Variants in OR52I2 observed in about 807,000 individuals in gnomAD.
The protein encoded by OR52I2 is olfactory receptor family 52 subfamily I member 2, also known as olfactory receptor 52I2.
For missense variants in OR52I2, 350 were observed against 402.4 expected (o/e 0.87, Z 1.11); for synonymous variants, 147 against 151.9 (o/e 0.97, Z 0.24).
At chr11:4,585,229 C>T (rs1358478377) in intron 1 of OR52I2, among the ~76,000 whole-genome samples, 1 of 152,112 alleles carries the variant, frequency 6.6e-6, no homozygotes, top group East Asian at 1.9e-4. Flanking sequence ...AACAGTACCA[C>T]ATTTTGAGTG....
At chr11:4,586,416 A>G (rs929414602) in intron 1 of OR52I2, among the ~76,000 whole-genome samples, 11 of 152,242 alleles carry the variant, frequency 7.2e-5, no homozygotes, top group Admixed American at 2.6e-4. Context: ...AAACTTAACC[A>G]TAATAAACAT....
intron 1 of OR52I2, among the ~76,000 whole-genome samples, chr11:4,582,579 A>G (rs549303258): frequency 6.6e-6 from 1 of 151,542 alleles, no homozygotes; most frequent in African/African-American, 2.4e-5. Context: ...AGCTGGGACT[A>G]CAGGTGCTCG....
exon 2 of OR52I2, chr11:4,589,031 ACT>A (rs1846331042): frequency 6.6e-6 from 1 of 151,962 alleles, no homozygotes; most frequent in African/African-American, 2.4e-5. Context: ...TACACTTTAT[ACT>A]CTTAGTCTAA....
chr11:4,586,701 G>A, intron 1 of OR52I2, 171 bp from the exon 2 acceptor site: 1 of 858,654 alleles, frequency 1.2e-6, no homozygotes. Context: ...ATTTGGAAGG[G>A]AAGAATATTA....
rs746607298 is a variant in OR52I2 at position 4,587,641 on chromosome 11, G to T, written c.751G>T (p.Val251Phe). ...AAGCACATGTGGCTCCCATGTGGGGGTTATGGCTTTGTACTATCTACCTGG... is the reference window on the plus strand; with the variant it reads ...AAGCACATGTGGCTCCCATGTGGGGTTTATGGCTTTGTACTATCTACCTGG... Residue 251 changes from valine (V) to phenylalanine (F), a missense_variant, in exon 2 of 2, where the codon GTT (valine) becomes TTT (phenylalanine). By Grantham distance (50) the Val-to-Phe change is conservative. Coordinates refer to ENST00000641896, the Ensembl canonical transcript of OR52I2. 55 of 1,614,138 alleles carry T rather than the reference G, an allele frequency of 3.4e-5. No homozygotes were observed. In the Middle Eastern group the frequency reaches 5.0e-4, roughly 15 times the overall value.
At chr11:4,592,195 A>C (rs1032042617) in exon 2 of OR52I2, 4 of 152,208 alleles carry the variant, frequency 2.6e-5, no homozygotes, top group African/African-American at 9.6e-5. Context: ...ACCAAGCATT[A>C]CACTAAGCAC....
chr11:4,591,557 T>G (rs1227236604), exon 2 of OR52I2: 1 of 152,214 alleles, frequency 6.6e-6, no homozygotes, highest in Non-Finnish European at 1.5e-5. Context: ...AGGAGATCAA[T>G]TGTATTTAAT....
chr11:4,582,516 T>C (rs912558234), intron 1 of OR52I2, among the ~76,000 whole-genome samples: 1 of 137,744 alleles, frequency 7.3e-6, no homozygotes, highest in Non-Finnish European at 1.5e-5. Flanking sequence ...CTTGGCTCAC[T>C]GCAGCCTCCA....
At position 4,587,610 on chromosome 11, in the gene OR52I2, AG is replaced by A; in HGVS notation, c.721del (p.Ala241HisfsTer2). The A allele has an allele frequency of 6.2e-7, 1 of 1,614,090 alleles. No individual in the cohort carries two copies. Among genetic ancestry groups the A allele is most frequent in the Non-Finnish European group, 8.5e-7 (1 of 1,179,964 alleles). On this transcript the variant is annotated frameshift_variant, in exon 2 of 2. Coordinates refer to ENST00000641896, the Ensembl canonical transcript of OR52I2. LOFTEE classifies it low-confidence loss of function (END_TRUNC). ...TCTCCTCAAAGACTGCTCAGTTGAA[AG>A]CATTAAGCACATGTGGCTCCCATGT... is the stretch of plus-strand genomic sequence containing the variant.
intron 1 of OR52I2, among the ~76,000 whole-genome samples, chr11:4,582,737 C>A (rs867765508): frequency 1.3e-5 from 2 of 152,012 alleles, no homozygotes; most frequent in Non-Finnish European, 2.9e-5. Context: ...TCCGGTCGAA[C>A]TTTTTAAAGC....
At chr11:4,583,912 C>G (rs749453061) in intron 1 of OR52I2, among the ~76,000 whole-genome samples, 1 of 152,160 alleles carries the variant, frequency 6.6e-6, no homozygotes. Flanking sequence ...AAATATATGT[C>G]TTTTGGTTAG....
At chr11:4,584,890 G>C (rs144426538) in intron 1 of OR52I2, among the ~76,000 whole-genome samples, 15 of 152,278 alleles carry the variant, frequency 9.9e-5, no homozygotes, top group African/African-American at 3.1e-4. Flanking sequence ...ACCCATTTAA[G>C]GATGCTACTT....
At chr11:4,585,651 G>A (rs904509994) in intron 1 of OR52I2, among the ~76,000 whole-genome samples, 6 of 152,166 alleles carry the variant, frequency 3.9e-5, no homozygotes, top group African/African-American at 1.4e-4. Flanking sequence ...AGCTATCTTT[G>A]TCTCATCAAA....
At chr11:4,585,607 C>G (rs1010710816) in intron 1 of OR52I2, among the ~76,000 whole-genome samples, 1 of 152,112 alleles carries the variant, frequency 6.6e-6, no homozygotes, top group African/African-American at 2.4e-5. Context: ...GATCAACAAG[C>G]GGTAGAGCTC....
chr11:4,586,425 A>T (rs1846301456), intron 1 of OR52I2, among the ~76,000 whole-genome samples: 1 of 152,246 alleles, frequency 6.6e-6, no homozygotes, highest in African/African-American at 2.4e-5. Context: ...CATAATAAAC[A>T]TATATTAATA....
At chr11:4,587,035 A>T in exon 2 of OR52I2, 5 of 1,614,052 alleles carry the variant, frequency 3.1e-6, no homozygotes, top group Non-Finnish European at 4.2e-6. Context: ...AAACACCATC[A>T]TCGTGACTGC....
chr11:4,587,745 C>G lies in OR52I2; in HGVS notation c.855C>G (p.Tyr285Ter). 1.2e-6 allele frequency: 2 copies of G among 1,614,166 alleles called. No individual in the cohort carries two copies. The highest frequency in any genetic ancestry group is 2.2e-5 in the South Asian group (2 of 91,082). Reference sequence around the variant, plus strand: ...CCCAAGTCCTGCTAGCTGACCTGTACGTGATCATCCCAGCCACCTTAAATC... The same window carrying G: ...CCCAAGTCCTGCTAGCTGACCTGTAGGTGATCATCCCAGCCACCTTAAATC... The change falls in exon 2 of 2, where the codon TAC (tyrosine) becomes TAG (stop). Residue 285 changes from tyrosine to a stop codon, truncating the protein, a stop_gained. Coordinates refer to ENST00000641896, the Ensembl canonical transcript of OR52I2. LOFTEE classifies it low-confidence loss of function (END_TRUNC).
At chr11:4,592,782 T>C (rs1846361344) in exon 2 of OR52I2, 1 of 152,160 alleles carries the variant, frequency 6.6e-6, no homozygotes, top group Non-Finnish European at 1.5e-5. Flanking sequence ...CAATGGAGGG[T>C]GAATACATCA....
chr11:4,588,247 G>A (rs1337925113), exon 2 of OR52I2: 3 of 198,714 alleles, frequency 1.5e-5, no homozygotes, highest in Non-Finnish European at 3.1e-5. Flanking sequence ...ACAGCTATGT[G>A]TCCACTTAGG....
Sources: allele counts gnomAD v4.1 joint callset (sites outside exome capture counted in the v4.1 genomes callset), GRCh38; gene constraint gnomAD v4.1.1; transcripts MANE v1.5; gene names NCBI Gene and HGNC (gene_info 2026-07-23, HGNC 2026-07-21).